The following NAPEPLD variants were observed in gnomAD, a reference collection of about 807,000 sequenced individuals.
NAPEPLD encodes N-acyl phosphatidylethanolamine phospholipase D.
NAPEPLD carries 23 observed loss-of-function variants against 38.1 expected under a neutral mutation model. That is an observed-to-expected ratio of 0.60 (90% confidence interval 0.43 to 0.86). The LOEUF (loss-of-function observed/expected upper bound fraction) is 0.86, where lower values mean the gene tolerates loss of function less well. Ranked by LOEUF, NAPEPLD falls within the 40% of genes least tolerant of loss-of-function variation. The pLI, the probability that NAPEPLD is intolerant of heterozygous loss-of-function variation, is 0.00. For missense variants in NAPEPLD, 411 were observed against 476.8 expected (o/e 0.86, Z 1.28); for synonymous variants, 147 against 162.0 (o/e 0.91, Z 0.71).
chr7:103,100,049 CA>C lies in NAPEPLD; in HGVS notation c.*3379del, dbSNP rs1300956270. On this transcript the variant is annotated 3_prime_UTR_variant, in exon 5 of 5. Transcript: ENST00000465647. ...AAATACATAGATGCAAGACTGTTTC[CA>C]TAGGAAGTCACAAATCCTCAAACAG... 6.6e-6 allele frequency: 1 copy of C among 152,102 alleles called. No individual in the cohort carries two copies. Among genetic ancestry groups the C allele is most frequent in the African/African-American group, 2.4e-5 (1 of 41,420 alleles). 9.4% of individuals were successfully genotyped at this position (152,102 alleles called of 1,614,324 possible).
intron 2 of NAPEPLD, among the ~76,000 whole-genome samples, chr7:103,122,664 A>G (rs1385524280): frequency 6.6e-6 from 1 of 152,198 alleles, no homozygotes; most frequent in Non-Finnish European, 1.5e-5. Flanking sequence ...TGGCTGGGAC[A>G]TAATAAGCAC....
intron 2 of NAPEPLD, among the ~76,000 whole-genome samples, chr7:103,122,239 ATCTTTT>A (rs961774405): frequency 6.6e-6 from 1 of 151,978 alleles, no homozygotes; most frequent in African/African-American, 2.4e-5. Context: ...CCTAGGAGGT[ATCTTTT>A]TGCCCTCACA....
intron 4 of NAPEPLD, 48 bp from the exon 5 acceptor site, chr7:103,103,602 T>C: frequency 6.5e-7 from 1 of 1,544,894 alleles, no homozygotes; most frequent in East Asian, 2.4e-5. Flanking sequence ...AACATATATT[T>C]GGGAGATTTT....
At chr7:103,106,430 A>G (rs895455858) in intron 4 of NAPEPLD, among the ~76,000 whole-genome samples, 2 of 152,068 alleles carry the variant, frequency 1.3e-5, no homozygotes, top group African/African-American at 4.8e-5. Context: ...AGGGGGCTGA[A>G]GCCATGGAGC....
At chr7:103,106,503 TGAAA>T (rs1803383366) in intron 4 of NAPEPLD, among the ~76,000 whole-genome samples, 4 of 152,070 alleles carry the variant, frequency 2.6e-5, no homozygotes, top group Admixed American at 6.5e-5. Context: ...TCCACAGGAT[TGAAA>T]TTTTCGCTGC....
chr7:103,144,416 G>A (rs1230709855), intron 1 of NAPEPLD, among the ~76,000 whole-genome samples: 1 of 152,004 alleles, frequency 6.6e-6, no homozygotes, highest in African/African-American at 2.4e-5. Flanking sequence ...ACATGAAGAA[G>A]GTTTCAAATG....
chr7:103,144,707 T>C (rs973583210), intron 1 of NAPEPLD, among the ~76,000 whole-genome samples: 4 of 151,732 alleles, frequency 2.6e-5, no homozygotes, highest in Non-Finnish European at 5.9e-5. Flanking sequence ...AGTGTTAACA[T>C]TTAAAGTCCT....
At chr7:103,140,247 A>G (rs930423539) in intron 1 of NAPEPLD, among the ~76,000 whole-genome samples, 2 of 152,218 alleles carry the variant, frequency 1.3e-5, no homozygotes, top group African/African-American at 2.4e-5. Flanking sequence ...ATATACATGT[A>G]TACCATTTTT....
intron 1 of NAPEPLD, among the ~76,000 whole-genome samples, chr7:103,131,042 C>T (rs187509173): frequency 6.6e-6 from 1 of 152,220 alleles, no homozygotes; most frequent in Admixed American, 6.5e-5. Context: ...TGAAAATGTA[C>T]AAGTTTAGAG....
chr7:103,129,629 A>G (rs1245102504), intron 1 of NAPEPLD, among the ~76,000 whole-genome samples: 1 of 152,198 alleles, frequency 6.6e-6, no homozygotes, highest in Non-Finnish European at 1.5e-5. Context: ...GAAAGGAGAT[A>G]ACACATTAAC....
Position 103,099,907 on chromosome 7 carries a change from T to A in NAPEPLD, c.*3522A>T, listed in dbSNP as rs1585804267. ...TAACAATTTATTGATACATCTGGGA[T>A]TCAGCCAGGTCTTATAGTATTTAAA... On this transcript the variant is annotated 3_prime_UTR_variant, in exon 5 of 5. Coordinates refer to ENST00000465647, the MANE Select transcript of NAPEPLD (RefSeq NM_001122838.3). The A allele has an allele frequency of 6.6e-6, 1 of 152,314 alleles. No individual in the cohort carries two copies. The highest frequency in any genetic ancestry group is 1.9e-4 in the East Asian group (1 of 5,186). The allele number at this position is 152,314 out of a possible 1,614,324, so 9.4% of individuals were successfully genotyped here.
At chr7:103,127,376 G>A (rs1198458448) in intron 2 of NAPEPLD, 1 of 152,184 alleles carries the variant, frequency 6.6e-6, no homozygotes, top group Non-Finnish European at 1.5e-5. Context: ...AATTATGAAT[G>A]AGAATAAAGA....
At chr7:103,140,171 G>A (rs78803727) in intron 1 of NAPEPLD, among the ~76,000 whole-genome samples, 1,686 of 152,176 alleles carry the variant, frequency 0.011, 35 homozygotes, top group African/African-American at 0.039. Flanking sequence ...TACATAGTAA[G>A]CACTGAATAA....
rs1809342362 is a variant in NAPEPLD, at chr7:103,133,219, C to G, written c.-16-4427G>C. On this transcript the variant is annotated intron_variant, in intron 1 of 4. Coordinates refer to ENST00000465647, the MANE Select transcript of NAPEPLD (RefSeq NM_001122838.3). ...ACTATTTCCTCAGATGTATCATGTACCCACTTCAGGGCGACCAACTGCCAC... is the reference window on the plus strand; with the variant it reads ...ACTATTTCCTCAGATGTATCATGTAGCCACTTCAGGGCGACCAACTGCCAC... Among the ~76,000 whole-genome samples the G allele has an allele frequency of 5.3e-5, 8 of 152,164 alleles. No homozygotes were observed. The South Asian group carries it at 1.7e-3, about 32-fold the overall frequency.
chr7:103,124,874 C>G (rs1009681446), intron 2 of NAPEPLD, among the ~76,000 whole-genome samples: 1 of 152,152 alleles, frequency 6.6e-6, no homozygotes, highest in Non-Finnish European at 1.5e-5. Flanking sequence ...CTAGGTCTTC[C>G]TAACTCAAAA....
intron 1 of NAPEPLD, among the ~76,000 whole-genome samples, chr7:103,138,822 T>A (rs915558492): frequency 2.0e-5 from 3 of 152,210 alleles, no homozygotes; most frequent in Non-Finnish European, 2.9e-5. Context: ...CTTTCATTCA[T>A]CTGTAAAATA....
At chr7:103,104,989 T>A (rs1585816352) in intron 4 of NAPEPLD, among the ~76,000 whole-genome samples, 2 of 152,344 alleles carry the variant, frequency 1.3e-5, no homozygotes, top group South Asian at 4.1e-4. Context: ...GAGGGCGATG[T>A]TTGCGTTTAG....
At chr7:103,113,309 T>C (rs1437216287) in intron 4 of NAPEPLD, among the ~76,000 whole-genome samples, 1 of 152,212 alleles carries the variant, frequency 6.6e-6, no homozygotes, top group Non-Finnish European at 1.5e-5. Context: ...CATTATTCTA[T>C]TCCTTCTCCC....
chr7:103,104,109 A>AC (rs1473425567), intron 4 of NAPEPLD, among the ~76,000 whole-genome samples: 1 of 152,134 alleles, frequency 6.6e-6, no homozygotes, highest in Non-Finnish European at 1.5e-5. Context: ...AGGAGTCAAG[A>AC]TTTTGCCCTG....
Sources: gnomAD v4.1 joint callset for allele counts (sites outside exome capture counted in the v4.1 genomes callset) on GRCh38, gnomAD v4.1.1 for gene constraint, MANE v1.5 for transcripts, NCBI Gene and HGNC (gene_info 2026-07-23, HGNC 2026-07-21) for gene names.